PRKAR1B: variants seen among roughly 807,000 people sequenced by gnomAD.
The protein encoded by PRKAR1B is protein kinase cAMP-dependent type I regulatory subunit beta.
Under a neutral mutation model 46.5 loss-of-function variants are expected in PRKAR1B, and 22 were observed. The ratio of observed to expected loss-of-function variants is 0.47; its 90% CI spans 0.34 to 0.68. The LOEUF (loss-of-function observed/expected upper bound fraction) is 0.68. Among genes scored for constraint, PRKAR1B ranks in the 30% least tolerant of loss-of-function variants. The probability of loss-of-function intolerance (pLI) is 0.01; values close to 1 mark genes in which losing one functional copy is unlikely to be tolerated. For missense variants in PRKAR1B, 445 were observed against 535.6 expected, an observed-to-expected ratio of 0.83 and a Z score of 1.67; for synonymous variants, 259 against 217.7, an observed-to-expected ratio of 1.19 and a Z score of -1.67.
At chr7:632,006 A>G (rs1783776565) in intron 4 of PRKAR1B, among the ~76,000 whole-genome samples, 1 of 151,776 alleles carries the variant, frequency 6.6e-6, no homozygotes, top group African/African-American at 2.4e-5. Context: ...ATCTAGAAAA[A>G]TCTCCAAGAG....
rs1781255504 is a variant in PRKAR1B, at chr7:596,137, C to G, written c.708+9G>C. The stretch of plus-strand genomic sequence containing the variant: ...TGTTGGCCTTCTCTGTGCTTGGGCA[C>G]CAACTCACCATAAGGATGCGCCGGT... On this transcript the variant is annotated intron_variant, in intron 7 of 10. Transcript: ENST00000537384. 6.8e-6 allele frequency: 11 copies of G among 1,609,922 alleles called. No individual in the cohort carries two copies. Among genetic ancestry groups the G allele is most frequent in the African/African-American group, 1.3e-5 (1 of 74,986 alleles).
intron 9 of PRKAR1B, among the ~76,000 whole-genome samples, chr7:569,536 C>T (rs977868950): frequency 2.0e-5 from 3 of 152,222 alleles, no homozygotes; most frequent in Non-Finnish European, 2.9e-5. Flanking sequence ...GGGAGCTTTG[C>T]CTACAAAGGG....
At chr7:712,858 T>A (rs1217415709) in intron 1 of PRKAR1B, 1 of 151,532 alleles carries the variant, frequency 6.6e-6, no homozygotes, top group Non-Finnish European at 1.5e-5. Context: ...ACCTAGGGGA[T>A]CACATCCCTG....
intron 1 of PRKAR1B, among the ~76,000 whole-genome samples, chr7:724,136 G>A (rs987749475): frequency 2.0e-5 from 3 of 152,048 alleles, no homozygotes; most frequent in Non-Finnish European, 2.9e-5. Context: ...TTGGGGAGAC[G>A]CCATTCAGCC....
rs1294629148 is a variant in PRKAR1B at position 620,857 on chromosome 7, C to A, written c.441-13405G>T. Among the ~76,000 whole-genome samples the A allele has an allele frequency of 2.0e-5, 3 of 152,218 alleles. No homozygotes were observed. The East Asian group carries it at 5.8e-4, about 29-fold the overall frequency. The stretch of plus-strand genomic sequence containing the variant: ...AAAGCCATCAGAGCCTCATTGTGGT[C>A]CCTCCCTTAAAGAGCATGTAGCCAA... On this transcript the variant is annotated intron_variant, in intron 4 of 10. Transcript: ENST00000537384.
At chr7:671,562 A>G (rs1786254822) in intron 4 of PRKAR1B, among the ~76,000 whole-genome samples, 2 of 151,168 alleles carry the variant, frequency 1.3e-5, no homozygotes, top group Non-Finnish European at 2.9e-5. Flanking sequence ...GAGCTCGAGC[A>G]CTCCTCCCAC....
intron 2 of PRKAR1B, among the ~76,000 whole-genome samples, chr7:701,421 G>A (rs2128522485): frequency 6.6e-6 from 1 of 152,216 alleles, no homozygotes; most frequent in East Asian, 1.9e-4. Flanking sequence ...TCATGTCACT[G>A]GAGTCCCTGA....
At chr7:555,584 A>T (rs1778378273) in intron 9 of PRKAR1B, among the ~76,000 whole-genome samples, 1 of 152,154 alleles carries the variant, frequency 6.6e-6, no homozygotes, top group Admixed American at 6.5e-5. Flanking sequence ...CTTTCCCTCC[A>T]GCCCGACCAG....
intron 9 of PRKAR1B, among the ~76,000 whole-genome samples, chr7:564,849 C>T (rs750118271): frequency 1.3e-5 from 2 of 152,196 alleles, no homozygotes; most frequent in Admixed American, 6.5e-5. Context: ...GTGTTGCAGG[C>T]GGATGCCCCC....
intron 8 of PRKAR1B, among the ~76,000 whole-genome samples, chr7:583,086 A>G (rs1780292067): frequency 6.6e-6 from 1 of 151,742 alleles, no homozygotes; most frequent in African/African-American, 2.4e-5. Flanking sequence ...GACGGCTCAC[A>G]GGGACGGGGC....
intron 4 of PRKAR1B, among the ~76,000 whole-genome samples, chr7:615,273 A>G (rs1234612984): frequency 6.7e-6 from 1 of 149,436 alleles, no homozygotes; most frequent in Non-Finnish European, 1.5e-5. Flanking sequence ...AAAATACAAA[A>G]AATTGGCTGG....
intron 9 of PRKAR1B, among the ~76,000 whole-genome samples, chr7:570,057 G>A (rs1464314410): frequency 2.6e-5 from 4 of 152,230 alleles, no homozygotes; most frequent in African/African-American, 7.2e-5. Flanking sequence ...TTCAAGATGC[G>A]CTGAGATTTC....
intron 9 of PRKAR1B, among the ~76,000 whole-genome samples, chr7:578,382 G>A (rs1436892243): frequency 3.9e-5 from 6 of 152,222 alleles, no homozygotes; most frequent in East Asian, 1.9e-4. Context: ...GGGCCGTGGC[G>A]TGAGACGGCA....
chr7:590,152 C>T (rs1780892927), intron 7 of PRKAR1B, among the ~76,000 whole-genome samples: 1 of 152,258 alleles, frequency 6.6e-6, no homozygotes, highest in Non-Finnish European at 1.5e-5. Context: ...TGCAGCCCCA[C>T]GCCCTTCAGG....
intron 4 of PRKAR1B, among the ~76,000 whole-genome samples, chr7:665,355 C>T (rs1328536602): frequency 1.3e-5 from 2 of 152,182 alleles, no homozygotes; most frequent in East Asian, 1.9e-4. Context: ...GCCTGCTTAA[C>T]CTCTCTCTGC....
chr7:710,536 G>C (rs1378410763), intron 2 of PRKAR1B, among the ~76,000 whole-genome samples: 1 of 151,944 alleles, frequency 6.6e-6, no homozygotes, highest in Non-Finnish European at 1.5e-5. Flanking sequence ...GCTTCTCCCC[G>C]ACCACACGTG....
intron 2 of PRKAR1B, among the ~76,000 whole-genome samples, chr7:693,705 C>T (rs1477458568): frequency 2.0e-5 from 3 of 152,146 alleles, no homozygotes; most frequent in East Asian, 1.9e-4. Flanking sequence ...CTGCTCCAAA[C>T]GCTCATGTAG....
At chr7:681,050 C>T (rs1307234230) in intron 2 of PRKAR1B, among the ~76,000 whole-genome samples, 4 of 152,090 alleles carry the variant, frequency 2.6e-5, no homozygotes, top group Non-Finnish European at 5.9e-5. Context: ...GGGGCAGTTT[C>T]CCCCTTGCTG....
At chr7:641,276 G>A (rs889521355) in intron 4 of PRKAR1B, among the ~76,000 whole-genome samples, 3 of 152,098 alleles carry the variant, frequency 2.0e-5, no homozygotes, top group African/African-American at 7.2e-5. Flanking sequence ...TTTAAAGGCC[G>A]GGAAAAGACC....
Sources: gnomAD v4.1 joint callset for allele counts (sites outside exome capture counted in the v4.1 genomes callset) on GRCh38, gnomAD v4.1.1 for gene constraint, MANE v1.5 for transcripts, NCBI Gene and HGNC (gene_info 2026-07-23, HGNC 2026-07-21) for gene names.